The following HLCS variants were observed in gnomAD, a reference collection of about 807,000 sequenced individuals.
HLCS encodes biotin--protein ligase.
A neutral mutation model predicts 75.0 loss-of-function variants in HLCS; 53 were observed. The ratio of observed to expected loss-of-function variants is 0.71; its 90% CI spans 0.57 to 0.89. The LOEUF (loss-of-function observed/expected upper bound fraction) is 0.89, where lower values mean the gene tolerates loss of function less well. Ranked by LOEUF, HLCS falls within the 40% of genes least tolerant of loss-of-function variation. The probability of loss-of-function intolerance (pLI) is 0.00; values close to 1 mark genes in which losing one functional copy is unlikely to be tolerated. For missense variants in HLCS, 966 were observed against 1,074.0 expected (o/e 0.90, Z 1.41); for synonymous variants, 431 against 428.6 (o/e 1.01, Z -0.07).
intron 2 of HLCS, among the ~76,000 whole-genome samples, chr21:36,949,788 G>A (rs1214675780): frequency 6.6e-6 from 1 of 152,230 alleles, no homozygotes; most frequent in East Asian, 1.9e-4. Context: ...CAGAGTCACA[G>A]CTGGAAACAG....
Position 36,947,069 on chromosome 21 carries a change from T to C in HLCS, c.331-8075A>G, listed in dbSNP as rs557480093. On this transcript the variant is annotated intron_variant, in intron 2 of 10. Transcript: ENST00000674895. ...CTCCCGCGGGAAGCTAAAGGCACCA[T>C]TGTCCTCAGAGCAATCAAAGGAGGA... 5.9e-5 allele frequency among the ~76,000 whole-genome samples: 9 copies of C among 152,262 alleles called. No individual in the cohort carries two copies. In the South Asian group the frequency reaches 8.3e-4, roughly 14 times the overall value.
chr21:36,971,974 T>C (rs956366300), intron 1 of HLCS: 3 of 152,156 alleles, frequency 2.0e-5, no homozygotes, highest in African/African-American at 7.2e-5. Context: ...GTTGTATTGA[T>C]AAAGATTAGT....
intron 5 of HLCS, among the ~76,000 whole-genome samples, chr21:36,922,810 G>A (rs1464062342): frequency 6.6e-6 from 1 of 152,144 alleles, no homozygotes; most frequent in Non-Finnish European, 1.5e-5. Context: ...TGAAACCCCC[G>A]AAACACTATA....
intron 6 of HLCS, among the ~76,000 whole-genome samples, chr21:36,791,910 T>C (rs1161410599): frequency 6.6e-6 from 1 of 152,128 alleles, no homozygotes; most frequent in African/African-American, 2.4e-5. Flanking sequence ...GGTTATCTTC[T>C]TACCACTTTC....
At chr21:36,773,513 G>A (rs1225872777) in intron 6 of HLCS, among the ~76,000 whole-genome samples, 2 of 152,252 alleles carry the variant, frequency 1.3e-5, no homozygotes, top group Non-Finnish European at 2.9e-5. Flanking sequence ...TCTGGCATGG[G>A]GTGGGTGTGA....
intron 6 of HLCS, among the ~76,000 whole-genome samples, chr21:36,870,833 G>C (rs1426928008): frequency 6.6e-6 from 1 of 152,138 alleles, no homozygotes; most frequent in Admixed American, 6.6e-5. Context: ...TGTTTTAAAA[G>C]ACCTGGGCAG....
At chr21:36,828,401 A>ATGAATGAATGAG (rs1555903595) in intron 6 of HLCS, among the ~76,000 whole-genome samples, 5 of 149,552 alleles carry the variant, frequency 3.3e-5, no homozygotes, top group African/African-American at 1.2e-4. Flanking sequence ...GAATGAATGA[A>ATGAATGAATGAG]TGAGTGAATA....
chr21:36,940,545 A>C (rs1026036525), intron 2 of HLCS, among the ~76,000 whole-genome samples: 2 of 152,168 alleles, frequency 1.3e-5, no homozygotes, highest in African/African-American at 4.8e-5. Context: ...TATTTTTTAA[A>C]TGCTAGATAA....
chr21:36,940,136 G>A (rs1425359424), intron 2 of HLCS, among the ~76,000 whole-genome samples: 1 of 152,118 alleles, frequency 6.6e-6, no homozygotes, highest in Non-Finnish European at 1.5e-5. Flanking sequence ...AAAAAGCTTA[G>A]ATTGACTGGA....
At chr21:36,853,810 T>C (rs1264899000) in intron 6 of HLCS, among the ~76,000 whole-genome samples, 2 of 152,206 alleles carry the variant, frequency 1.3e-5, no homozygotes, top group Non-Finnish European at 1.5e-5. Context: ...GAGAGTGCAA[T>C]ATAATTTTTG....
chr21:36,849,097 TTGATA>T (rs1253132778), intron 6 of HLCS, among the ~76,000 whole-genome samples: 3 of 152,212 alleles, frequency 2.0e-5, no homozygotes, highest in Non-Finnish European at 2.9e-5. Context: ...AACGCATATA[TTGATA>T]TAACAGCACT....
chr21:36,844,076 G>T (rs1016910626), intron 6 of HLCS, among the ~76,000 whole-genome samples: 1 of 152,174 alleles, frequency 6.6e-6, no homozygotes, highest in Non-Finnish European at 1.5e-5. Flanking sequence ...TCTTCTCAAA[G>T]TAAACACATG....
chr21:36,825,471 A>ATG (rs146399904), intron 6 of HLCS, among the ~76,000 whole-genome samples: 43 of 151,614 alleles, frequency 2.8e-4, no homozygotes, highest in East Asian at 1.9e-4. Flanking sequence ...GTGTGTGTGT[A>ATG]TGTGTGTGTG....
rs540708521 is a variant in HLCS, at chr21:36,842,254, C to T, written c.1892+54606G>A. On this transcript the variant is annotated intron_variant, in intron 6 of 10. Coordinates refer to ENST00000674895, the MANE Select transcript of HLCS (RefSeq NM_001352514.2). This position sits in a 1 kb window ranked among gnomAD's most constrained non-coding sequence, Gnocchi z 4.2. Reference sequence around the variant, plus strand: ...ATAAAACCAGGCAAAACTAAGATAGCGTCAGAAATCAGGACAGTGTTCCCC... The same window carrying T: ...ATAAAACCAGGCAAAACTAAGATAGTGTCAGAAATCAGGACAGTGTTCCCC... 2.6e-5 allele frequency among the ~76,000 whole-genome samples: 4 copies of T among 152,248 alleles called. No homozygotes were observed. Among genetic ancestry groups the T allele is most frequent in the Admixed American group, 1.3e-4 (2 of 15,304 alleles).
intron 6 of HLCS, among the ~76,000 whole-genome samples, chr21:36,814,142 TC>T (rs1350861283): frequency 1.3e-5 from 2 of 152,020 alleles, no homozygotes; most frequent in African/African-American, 4.8e-5. Flanking sequence ...CCTCCTGCTC[TC>T]CCCCAAACAC....
chr21:36,882,390 C>T (rs1346762672), intron 6 of HLCS, among the ~76,000 whole-genome samples: 2 of 152,008 alleles, frequency 1.3e-5, no homozygotes, highest in African/African-American at 2.4e-5. Flanking sequence ...GCTGCTGTGT[C>T]AAAATGGCAG....
chr21:36,954,375 G>A (rs1183969923), intron 2 of HLCS, among the ~76,000 whole-genome samples: 4 of 152,034 alleles, frequency 2.6e-5, no homozygotes, highest in Admixed American at 1.3e-4. Context: ...AGCACTTTGG[G>A]AGGCTGAGGC....
At chr21:36,778,996 T>C (rs1274268970) in intron 6 of HLCS, among the ~76,000 whole-genome samples, 1 of 152,104 alleles carries the variant, frequency 6.6e-6, no homozygotes, top group Non-Finnish European at 1.5e-5. Flanking sequence ...AAAACGGTCT[T>C]TTAAAAAAAC....
intron 5 of HLCS, among the ~76,000 whole-genome samples, chr21:36,912,601 A>G (rs1363462861): frequency 6.6e-6 from 1 of 152,168 alleles, no homozygotes; most frequent in Non-Finnish European, 1.5e-5. Flanking sequence ...TGTGGGTGTA[A>G]TTTACACCAC....
Sources: allele counts gnomAD v4.1 joint callset (sites outside exome capture counted in the v4.1 genomes callset), GRCh38; gene constraint gnomAD v4.1.1; non-coding constraint Gnocchi (gnomAD v3.1); transcripts MANE v1.5; gene names NCBI Gene and HGNC (gene_info 2026-07-23, HGNC 2026-07-21).